Variants in RNF13 observed in about 807,000 individuals in gnomAD.
The protein encoded by RNF13 is ring finger protein 13.
A neutral mutation model predicts 37.7 loss-of-function variants in RNF13; 19 were observed. The observed-to-expected ratio is 0.50, with a 90% confidence interval of 0.35 to 0.74. The LOEUF is 0.74. RNF13 is among the 30% of genes least tolerant of loss of function. RNF13 has a pLI of 0.01. For missense variants in RNF13, 375 were observed against 453.0 expected, an observed-to-expected ratio of 0.83 and a Z score of 1.56; for synonymous variants, 144 against 157.8, an observed-to-expected ratio of 0.91 and a Z score of 0.65.
intron 3 of RNF13, among the ~76,000 whole-genome samples, chr3:149,871,738 T>C (rs1342841892): frequency 2.0e-5 from 3 of 152,186 alleles, no homozygotes; most frequent in Non-Finnish European, 4.4e-5. Context: ...TCAAATATTG[T>C]TCGAAAATAT....
At chr3:149,903,128 G>A (rs1716018250) in intron 6 of RNF13, among the ~76,000 whole-genome samples, 1 of 152,040 alleles carries the variant, frequency 6.6e-6, no homozygotes, top group African/African-American at 2.4e-5. Context: ...CTACAGTGTT[G>A]ATATTTAAAA....
At chr3:149,829,378 G>T (rs1052004654) in intron 1 of RNF13, among the ~76,000 whole-genome samples, 7 of 152,174 alleles carry the variant, frequency 4.6e-5, no homozygotes, top group Non-Finnish European at 8.8e-5. Context: ...GGGATTACAG[G>T]TGTGAGCCAC....
chr3:149,938,032 G>GTC (rs1444500173), intron 8 of RNF13, among the ~76,000 whole-genome samples: 1 of 151,910 alleles, frequency 6.6e-6, no homozygotes, highest in Non-Finnish European at 1.5e-5. Flanking sequence ...GGGTGTTGAT[G>GTC]TCTCCAACTA....
intron 8 of RNF13, among the ~76,000 whole-genome samples, chr3:149,954,416 T>C (rs1721658609): frequency 6.6e-6 from 1 of 152,032 alleles, no homozygotes; most frequent in Admixed American, 6.6e-5. Context: ...CCTTACTCCT[T>C]ACCCACCCAC....
chr3:149,814,569 T>A (rs189415471), intron 1 of RNF13, among the ~76,000 whole-genome samples: 73 of 152,226 alleles, frequency 4.8e-4, no homozygotes, highest in African/African-American at 1.8e-3. Context: ...ATAAGCTTTA[T>A]AAAGAAAGAA....
chr3:149,838,837 G>C (rs1029178207), intron 1 of RNF13, among the ~76,000 whole-genome samples: 28 of 147,078 alleles, frequency 1.9e-4, no homozygotes, highest in African/African-American at 7.1e-4. Flanking sequence ...TCAGAAAATG[G>C]GTTTTTCTTT....
intron 8 of RNF13, among the ~76,000 whole-genome samples, chr3:149,959,207 T>G (rs139981854): frequency 6.6e-6 from 1 of 152,210 alleles, no homozygotes; most frequent in African/African-American, 2.4e-5. Flanking sequence ...TAAGCCACTA[T>G]TAATTGAAAA....
rs146752458 is a variant in RNF13, at chr3:149,910,535, C to T, written c.501-1443C>T. Among the ~76,000 whole-genome samples, 271 of 152,050 alleles carry T rather than the reference C, an allele frequency of 1.8e-3. 2 individuals carry two copies. The highest frequency in any genetic ancestry group is 4.6e-3 in the African/African-American group (192 of 41,466). ...TAGCATAAAGATTTAAAAATAGTCT[C>T]GGAAAAAAATAAGTTGCATACATGT... On this transcript the variant is annotated intron_variant, in intron 6 of 9. Coordinates refer to ENST00000392894, the MANE Select transcript of RNF13 (RefSeq NM_183381.3).
intron 7 of RNF13, among the ~76,000 whole-genome samples, chr3:149,913,291 A>AT (rs1326825283): frequency 6.6e-6 from 1 of 152,084 alleles, no homozygotes; most frequent in Non-Finnish European, 1.5e-5. Context: ...TTGAAATTAT[A>AT]TTTTTTAATT....
At chr3:149,868,813 A>G (rs1253121457) in intron 3 of RNF13, among the ~76,000 whole-genome samples, 1 of 151,612 alleles carries the variant, frequency 6.6e-6, no homozygotes, top group East Asian at 1.9e-4. Flanking sequence ...TGATTAGTGT[A>G]TGTCTTGGGG....
intron 4 of RNF13, among the ~76,000 whole-genome samples, chr3:149,879,911 A>C (rs1041389641): frequency 2.6e-5 from 4 of 152,130 alleles, no homozygotes; most frequent in Non-Finnish European, 5.9e-5. Context: ...CTCTAGCCTG[A>C]TCCTAACCTA....
At chr3:149,902,208 AT>A in intron 6 of RNF13, 46 bp downstream of exon 6, 1 of 877,234 alleles carries the variant, frequency 1.1e-6, no homozygotes, top group Non-Finnish European at 1.8e-6. Context: ...ATTCTTCTTT[AT>A]ATTAAGGTAG....
chr3:149,835,389 C>T (rs1721494736), intron 1 of RNF13, among the ~76,000 whole-genome samples: 1 of 152,052 alleles, frequency 6.6e-6, no homozygotes, highest in African/African-American at 2.4e-5. Context: ...GATTTTGGTG[C>T]ATCCATCACC....
intron 8 of RNF13, among the ~76,000 whole-genome samples, chr3:149,951,721 A>T (rs1721361182): frequency 6.6e-6 from 1 of 152,228 alleles, no homozygotes; most frequent in Non-Finnish European, 1.5e-5. Flanking sequence ...TGTAACACAT[A>T]CTATTATGTA....
chr3:149,882,028 G>A (rs1287151862), intron 4 of RNF13, among the ~76,000 whole-genome samples: 1 of 151,946 alleles, frequency 6.6e-6, no homozygotes, highest in Admixed American at 6.6e-5. Context: ...CTGCCACAGA[G>A]AAGGATATAC....
chr3:149,921,871 CCA>C, intron 8 of RNF13, among the ~76,000 whole-genome samples: 1 of 152,318 alleles, frequency 6.6e-6, no homozygotes, highest in East Asian at 1.9e-4. Context: ...TGAGGAATCG[CCA>C]CACTGTCTTC....
At chr3:149,941,541 T>TG (rs1553771420) in intron 8 of RNF13, among the ~76,000 whole-genome samples, 144 of 147,014 alleles carry the variant, frequency 9.8e-4, no homozygotes, top group Non-Finnish European at 1.5e-3. Context: ...TTTTTTTTTT[T>TG]TTTTTTTTTT....
At chr3:149,886,089 G>C (rs1014108394) in intron 4 of RNF13, among the ~76,000 whole-genome samples, 1 of 152,104 alleles carries the variant, frequency 6.6e-6, no homozygotes, top group African/African-American at 2.4e-5. Flanking sequence ...CCATTGTTCT[G>C]TGTATCTTTT....
chr3:149,869,758 GTTC>G (rs1711799098), intron 3 of RNF13, among the ~76,000 whole-genome samples: 1 of 151,868 alleles, frequency 6.6e-6, no homozygotes, highest in Non-Finnish European at 1.5e-5. Flanking sequence ...TATTTATTCT[GTTC>G]TTCTCTGTCT....
Sources: allele counts gnomAD v4.1 joint callset (sites outside exome capture counted in the v4.1 genomes callset), GRCh38; gene constraint gnomAD v4.1.1; transcripts MANE v1.5; gene names NCBI Gene and HGNC (gene_info 2026-07-23, HGNC 2026-07-21).